Variants in RNF212B observed in about 807,000 individuals in gnomAD.
The protein encoded by RNF212B is ring finger protein 212B.
RNF212B carries 52 observed loss-of-function variants against 55.5 expected under a neutral mutation model. The ratio of observed to expected loss-of-function variants is 0.94; its 90% CI spans 0.75 to 1.18. The LOEUF is 1.18. Among genes scored for constraint, RNF212B ranks in the 50% most tolerant of loss-of-function variants. RNF212B has a pLI of 0.00. For synonymous variants in RNF212B, 99 were observed against 121.4 expected, an observed-to-expected ratio of 0.82 and a Z score of 1.21; for missense variants, 289 against 350.4, an observed-to-expected ratio of 0.82 and a Z score of 1.40.
chr14:23,198,753 T>A (rs997777885), intron 2 of RNF212B, among the ~76,000 whole-genome samples: 1 of 152,060 alleles, frequency 6.6e-6, no homozygotes, highest in Non-Finnish European at 1.5e-5. Flanking sequence ...TATGGGTTAA[T>A]AGTTCTCAAA....
At chr14:23,226,579 C>A (rs8015398) in intron 2 of RNF212B, among the ~76,000 whole-genome samples, 13,056 of 151,924 alleles carry the variant, frequency 0.086, 1,225 homozygotes, top group African/African-American at 0.23. Flanking sequence ...TGCAGTGAGC[C>A]GAGATCGCGC....
At chr14:23,226,247 A>C (rs1481750179) in intron 2 of RNF212B, among the ~76,000 whole-genome samples, 1 of 142,958 alleles carries the variant, frequency 7.0e-6, no homozygotes, top group African/African-American at 2.6e-5. Context: ...GCAGTGAGCC[A>C]AGATCGCTCG....
At position 23,259,892 on chromosome 14, in the gene RNF212B, C is replaced by CA; in HGVS notation, c.354dup (p.Val119SerfsTer52). On this transcript the variant is annotated frameshift_variant, in exon 6 of 15. Coordinates refer to ENST00000430154, the MANE Select transcript of RNF212B (RefSeq NM_001282322.3). LOFTEE classifies it high-confidence loss of function. ...TTCCATCTTTTGCCTAGAGAATTGT[C>CA]AGTCTTAAGGAAGGAGAATGGAGAA... 8 of 1,509,684 alleles carry CA rather than the reference C, an allele frequency of 5.3e-6. No homozygotes were observed. Among genetic ancestry groups the CA allele is most frequent in the Non-Finnish European group, 7.1e-6 (8 of 1,127,140 alleles). 93.5% of individuals were successfully genotyped at this position (1,509,684 alleles called of 1,614,324 possible).
chr14:23,271,179 C>T (rs1263940431), intron 14 of RNF212B, among the ~76,000 whole-genome samples: 2 of 152,086 alleles, frequency 1.3e-5, no homozygotes, highest in Non-Finnish European at 2.9e-5. Context: ...TGGTACATGC[C>T]AGTAATCCCA....
At chr14:23,189,333 G>A (rs1877893514) in intron 1 of RNF212B, among the ~76,000 whole-genome samples, 1 of 152,142 alleles carries the variant, frequency 6.6e-6, no homozygotes, top group Non-Finnish European at 1.5e-5. Flanking sequence ...TGAAATGAAT[G>A]TGCTGTCTGT....
intron 7 of RNF212B, among the ~76,000 whole-genome samples, chr14:23,260,998 C>T (rs1283416401): frequency 1.3e-5 from 2 of 152,172 alleles, no homozygotes; most frequent in African/African-American, 2.4e-5. Context: ...GTACACTCGC[C>T]GGCAGTTTTG....
intron 1 of RNF212B, among the ~76,000 whole-genome samples, chr14:23,186,054 C>T (rs142296617): frequency 0.024 from 3,652 of 152,162 alleles, 139 homozygotes; most frequent in African/African-American, 0.083. Context: ...GAGCCAAGAT[C>T]GCACCACTGC....
intron 2 of RNF212B, among the ~76,000 whole-genome samples, chr14:23,203,200 T>C (rs571384003): frequency 1.3e-5 from 2 of 152,176 alleles, no homozygotes; most frequent in East Asian, 3.9e-4. Context: ...TGTATCTTTA[T>C]AGCTTAGCTT....
chr14:23,244,161 A>G (rs555004492), intron 3 of RNF212B, among the ~76,000 whole-genome samples, 161 bp from the exon 4 acceptor site: 1 of 152,322 alleles, frequency 6.6e-6, no homozygotes, highest in East Asian at 1.9e-4. Flanking sequence ...GGAGAATTGG[A>G]CATATAATGT....
At chr14:23,242,081 C>CAAAAAAAAAAAAAAAAAAA (rs58497672) in intron 2 of RNF212B, among the ~76,000 whole-genome samples, 2 of 36,654 alleles carry the variant, frequency 5.5e-5, no homozygotes, top group African/African-American at 1.1e-4. Context: ...GACTCCGTCT[C>CAAAAAAAAAAAAAAAAAAA]AAAAAAAAAA....
At chr14:23,189,668 G>A (rs538394617) in intron 1 of RNF212B, among the ~76,000 whole-genome samples, 4 of 152,146 alleles carry the variant, frequency 2.6e-5, no homozygotes, top group South Asian at 2.1e-4. Context: ...AATTAGCTGG[G>A]TGTGGTGGTG....
At chr14:23,213,389 C>T (rs974446941) in intron 2 of RNF212B, among the ~76,000 whole-genome samples, 2 of 152,044 alleles carry the variant, frequency 1.3e-5, no homozygotes, top group African/African-American at 4.8e-5. Flanking sequence ...ATACTTTGTT[C>T]ATGAGATGGA....
chr14:23,216,269 C>T (rs1566403498), intron 2 of RNF212B, among the ~76,000 whole-genome samples: 1 of 151,566 alleles, frequency 6.6e-6, no homozygotes, highest in Non-Finnish European at 1.5e-5. Context: ...CAAAACAAAA[C>T]AAAACAAAAT....
intron 2 of RNF212B, among the ~76,000 whole-genome samples, chr14:23,197,870 G>T (rs1313363226): frequency 6.6e-6 from 1 of 151,976 alleles, no homozygotes; most frequent in Non-Finnish European, 1.5e-5. Context: ...GGAGATAGGG[G>T]TGGGGCCATT....
At position 23,244,319 on chromosome 14, in the gene RNF212B, T is replaced by C. The variant is rs1336316171; in HGVS notation, c.154-3T>C. The C allele has an allele frequency of 1.3e-6, 2 of 1,531,622 alleles. No individual in the cohort carries two copies. The highest frequency in any genetic ancestry group is 1.8e-6 in the Non-Finnish European group (2 of 1,134,482). The allele number at this position is 1,531,622 out of a possible 1,614,324, so 94.9% of individuals were successfully genotyped here. ...CTCACAGTGTGTATTGCTCTCTTCG[T>C]AGCTGAAGCCTCAGGAGAAGATGTT... On this transcript the variant is annotated splice_polypyrimidine_tract_variant and splice_region_variant and intron_variant, in intron 3 of 14. Transcript: ENST00000430154.
Position 23,272,946 on chromosome 14 carries a change from A to C in RNF212B, c.*55A>C, listed in dbSNP as rs1327246864. 1.9e-6 allele frequency: 2 copies of C among 1,031,816 alleles called. No individual in the cohort carries two copies. Among genetic ancestry groups the C allele is most frequent in the African/African-American group, 1.6e-5 (1 of 61,436 alleles). 63.9% of individuals were successfully genotyped at this position (1,031,816 alleles called of 1,614,324 possible). A position where few individuals can be genotyped will look rare whatever the true frequency, so the allele number is the denominator to read the frequency against. On this transcript the variant is annotated 3_prime_UTR_variant, in exon 15 of 15. Coordinates refer to ENST00000430154, the MANE Select transcript of RNF212B (RefSeq NM_001282322.3). ...TGCTGAAGGATGGACTGTAGCTTCC[A>C]GTACGCATTAGGGGTGATGGCCCTG...
At chr14:23,262,744 G>A (rs1885391037) in intron 8 of RNF212B, 33 bp downstream of exon 8, 1 of 1,538,168 alleles carries the variant, frequency 6.5e-7, no homozygotes, top group South Asian at 1.2e-5. Context: ...ATATCTGTGT[G>A]AGATGAATAT....
upstream of RNF212B, among the ~76,000 whole-genome samples, chr14:23,233,562 C>CA (rs35654046): frequency 0.062 from 3,613 of 58,432 alleles, 142 homozygotes; most frequent in Non-Finnish European, 0.078. Flanking sequence ...CCCATCTCTA[C>CA]AAAAAAAAAA....
rs1196995833 is a variant in RNF212B, at chr14:23,226,316, AT to A, written c.-1-14027del. Among the ~76,000 whole-genome samples, 304 of 133,808 alleles carry A rather than the reference AT, an allele frequency of 2.3e-3. 1 individual carries two copies. The highest frequency in any genetic ancestry group is 8.4e-3 in the African/African-American group (283 of 33,804). 87.8% of individuals were successfully genotyped at this position (133,808 alleles called of 152,430 possible). A position where few individuals can be genotyped will look rare whatever the true frequency, so the allele number is the denominator to read the frequency against. ...CGTCTCAAAAAAAAAAAAAAAAAAA[AT>A]TAAATAAATAAATAAATAAATAGGA... On this transcript the variant is annotated intron_variant, in intron 2 of 15. Transcript: ENST00000399910.
Sources: gnomAD v4.1 joint callset for allele counts (sites outside exome capture counted in the v4.1 genomes callset) on GRCh38, gnomAD v4.1.1 for gene constraint, MANE v1.5 for transcripts, NCBI Gene and HGNC (gene_info 2026-07-23, HGNC 2026-07-21) for gene names.